Variants in NEK5 observed in about 807,000 individuals in gnomAD.
NEK5 encodes the protein NIMA related kinase 5.
NEK5 carries 88 observed loss-of-function variants against 109.2 expected under a neutral mutation model. The ratio of observed to expected loss-of-function variants is 0.81; its 90% CI spans 0.68 to 0.96. The LOEUF (loss-of-function observed/expected upper bound fraction) is 0.96. Ranked by LOEUF, NEK5 falls within the 40% of genes least tolerant of loss-of-function variation. The pLI is 0.00. For synonymous variants in NEK5, 283 were observed against 299.9 expected (o/e 0.94, Z 0.58); for missense variants, 834 against 920.7 (o/e 0.91, Z 1.22).
chr13:52,091,437 G>A (rs932149861), intron 13 of NEK5, among the ~76,000 whole-genome samples: 2 of 152,118 alleles, frequency 1.3e-5, no homozygotes, highest in Admixed American at 6.5e-5. Context: ...TATGAAGATC[G>A]ATAAAAACCA....
chr13:52,128,068 C>T (rs771896362), intron 1 of NEK5, among the ~76,000 whole-genome samples: 75 of 152,160 alleles, frequency 4.9e-4, no homozygotes, highest in Non-Finnish European at 9.1e-4. Flanking sequence ...AAGGATTACC[C>T]CGCGGCCCTA....
At chr13:52,054,816 G>A (rs1366227215) in intron 22 of NEK5, among the ~76,000 whole-genome samples, 4 of 152,132 alleles carry the variant, frequency 2.6e-5, no homozygotes, top group Admixed American at 6.5e-5. Flanking sequence ...CATCATCAAA[G>A]ACCAAAAGTA....
At chr13:52,039,817 A>T (rs1430895615) in intron 23 of NEK5, among the ~76,000 whole-genome samples, 2 of 152,140 alleles carry the variant, frequency 1.3e-5, no homozygotes, top group Non-Finnish European at 2.9e-5. Flanking sequence ...TGAATTATAA[A>T]AATTTTTGCT....
chr13:52,062,899 C>T (rs181948183), intron 21 of NEK5, among the ~76,000 whole-genome samples: 161 of 152,230 alleles, frequency 1.1e-3, no homozygotes, highest in African/African-American at 3.7e-3. Context: ...GATAGCTACT[C>T]TTTTAATTCT....
intron 19 of NEK5, among the ~76,000 whole-genome samples, chr13:52,075,170 T>A (rs1954845261): frequency 6.6e-6 from 1 of 152,114 alleles, no homozygotes; most frequent in African/African-American, 2.4e-5. Flanking sequence ...ACACATATAC[T>A]CACATGTTCA....
intron 20 of NEK5, among the ~76,000 whole-genome samples, chr13:52,068,082 A>C (rs1954719993): frequency 6.6e-6 from 1 of 152,082 alleles, no homozygotes; most frequent in South Asian, 2.1e-4. Flanking sequence ...GCTGCCAGAA[A>C]TTCATGCCTT....
At chr13:52,065,162 C>G (rs4497567) in intron 21 of NEK5, 1 of 407,540 alleles carries the variant, frequency 2.5e-6, no homozygotes, top group East Asian at 3.8e-5. Flanking sequence ...TATGAAATCG[C>G]AAAAAAAGTT....
chr13:52,097,212 G>C (rs989543283), intron 12 of NEK5, among the ~76,000 whole-genome samples: 2 of 152,234 alleles, frequency 1.3e-5, no homozygotes, highest in Non-Finnish European at 1.5e-5. Flanking sequence ...GCAGTGCAGA[G>C]GGGAAATGTG....
In NEK5 at chr13:52,061,811, C is replaced by A; in HGVS notation, c.2110+8G>T. On this transcript the variant is annotated splice_region_variant and intron_variant, in intron 22 of 23. Coordinates refer to ENST00000684899, the MANE Select transcript of NEK5 (RefSeq NM_001365552.1). ...GACTGGTTATGTTGTTAAAAATAAACTACATACCAAATTCTTCATCGGCAG... is the reference window on the plus strand; with the variant it reads ...GACTGGTTATGTTGTTAAAAATAAAATACATACCAAATTCTTCATCGGCAG... The A allele has an allele frequency of 2.0e-6, 2 of 984,560 alleles. No individual in the cohort carries two copies. Among genetic ancestry groups the A allele is most frequent in the African/African-American group, 1.7e-5 (1 of 57,312 alleles). The allele number at this position is 984,560 out of a possible 1,614,324, so 61.0% of individuals were successfully genotyped here.
chr13:52,057,450 A>G (rs1159085373), intron 22 of NEK5, among the ~76,000 whole-genome samples: 1 of 151,988 alleles, frequency 6.6e-6, no homozygotes, highest in African/African-American at 2.4e-5. Flanking sequence ...TCATTTTATG[A>G]GGCCAGCATC....
intron 21 of NEK5, among the ~76,000 whole-genome samples, chr13:52,063,412 G>T (rs530536672): frequency 7.8e-4 from 118 of 151,830 alleles, no homozygotes; most frequent in Non-Finnish European, 1.3e-3. Context: ...TGGCGTGATC[G>T]CGGCTCGCTA....
intron 23 of NEK5, among the ~76,000 whole-genome samples, chr13:52,037,783 C>T (rs1217399324): frequency 6.6e-6 from 1 of 152,056 alleles, no homozygotes; most frequent in East Asian, 1.9e-4. Context: ...ATTAGCCGGG[C>T]GTGGTACCGG....
At chr13:52,043,533 T>A (rs1954431541) in intron 23 of NEK5, among the ~76,000 whole-genome samples, 1 of 115,662 alleles carries the variant, frequency 8.6e-6, no homozygotes, top group African/African-American at 3.4e-5. Context: ...CAAGACTCCA[T>A]CTCAAAAAAA....
At chr13:52,049,226 C>A (rs1284483767) in intron 23 of NEK5, among the ~76,000 whole-genome samples, 5 of 151,984 alleles carry the variant, frequency 3.3e-5, no homozygotes, top group Admixed American at 6.6e-5. Context: ...AGTTCAAGAC[C>A]AGCCTGCACA....
chr13:52,037,595 T>A (rs1429650214), intron 23 of NEK5, among the ~76,000 whole-genome samples: 1 of 152,206 alleles, frequency 6.6e-6, no homozygotes, highest in Non-Finnish European at 1.5e-5. Flanking sequence ...GACATTATCA[T>A]CAAATTATAA....
intron 22 of NEK5, among the ~76,000 whole-genome samples, chr13:52,059,697 C>T (rs1448969256): frequency 1.3e-5 from 2 of 151,768 alleles, no homozygotes; most frequent in Non-Finnish European, 2.9e-5. Context: ...AGTAAACTAT[C>T]GCAAGAACAA....
chr13:52,056,303 C>A (rs1428529408), intron 22 of NEK5, among the ~76,000 whole-genome samples: 3 of 152,166 alleles, frequency 2.0e-5, no homozygotes, highest in African/African-American at 7.2e-5. Context: ...AAAGCAAGTC[C>A]TGAGCCACCT....
At chr13:52,122,551 G>A (rs1181206926) in intron 3 of NEK5, among the ~76,000 whole-genome samples, 1 of 152,164 alleles carries the variant, frequency 6.6e-6, no homozygotes, top group East Asian at 1.9e-4. Context: ...GGCAGATCAC[G>A]AAGTCAGTAG....
At chr13:52,072,818 A>G (rs886559417) in intron 19 of NEK5, among the ~76,000 whole-genome samples, 2 of 152,268 alleles carry the variant, frequency 1.3e-5, no homozygotes, top group African/African-American at 4.8e-5. Flanking sequence ...ATCAGGTATA[A>G]TTATTCATAC....
Sources: gnomAD v4.1 joint callset for allele counts (sites outside exome capture counted in the v4.1 genomes callset) on GRCh38, gnomAD v4.1.1 for gene constraint, MANE v1.5 for transcripts, NCBI Gene and HGNC (gene_info 2026-07-23, HGNC 2026-07-21) for gene names.